Variants in AKAP9 observed in about 807,000 individuals in gnomAD.
AKAP9 encodes A-kinase anchor protein 9.
A neutral mutation model predicts 488.5 loss-of-function variants in AKAP9; 311 were observed. That is an observed-to-expected ratio of 0.64 (90% CI 0.58 to 0.70). AKAP9 has a LOEUF of 0.70. AKAP9 is among the 30% of genes least tolerant of loss of function. The pLI, the probability that AKAP9 is intolerant of heterozygous loss-of-function variation, is 0.00. For missense variants in AKAP9, 4,215 were observed against 4,374.5 expected, an observed-to-expected ratio of 0.96 and a Z score of 1.03; for synonymous variants, 1,462 against 1,483.5, an observed-to-expected ratio of 0.99 and a Z score of 0.33.
chr7:91,993,064 AT>A lies in AKAP9; in HGVS notation c.576+13del, dbSNP rs1396055310. 1 of 1,613,924 alleles carries A rather than the reference AT, an allele frequency of 6.2e-7. No homozygotes were observed. The highest frequency in any genetic ancestry group is 8.5e-7 in the Non-Finnish European group (1 of 1,179,894). ...CTGAAGGACTGCAGCAGGTATGTTT[AT>A]TTTCTGTGGCTTTTGATTTGCTACT... On this transcript the variant is annotated intron_variant, in intron 5 of 49. Transcript: ENST00000356239.
intron 29 of AKAP9, among the ~76,000 whole-genome samples, chr7:92,077,252 C>T (rs1812764541): frequency 6.6e-6 from 1 of 151,872 alleles, no homozygotes; most frequent in African/African-American, 2.4e-5. Context: ...ACCACCACGC[C>T]TGGCTAATTT....
chr7:92,044,684 T>C (rs1178353170), intron 20 of AKAP9, among the ~76,000 whole-genome samples: 1 of 152,188 alleles, frequency 6.6e-6, no homozygotes, highest in Non-Finnish European at 1.5e-5. Flanking sequence ...AAATTTTGTC[T>C]CCCAAGATTT....
At chr7:92,038,823 T>TATCCC in intron 17 of AKAP9, 51 bp downstream of exon 17, 1 of 1,294,932 alleles carries the variant, frequency 7.7e-7, no homozygotes, top group East Asian at 2.3e-5. Context: ...TTGTGAATTC[T>TATCCC]TTCACTTTAA....
chr7:92,077,792 C>T lies in AKAP9; in HGVS notation c.6862C>T (p.Gln2288Ter), dbSNP rs1812851848. The T allele has an allele frequency of 1.2e-6, 2 of 1,613,446 alleles. No homozygotes were observed. Among genetic ancestry groups the T allele is most frequent in the Non-Finnish European group, 8.5e-7 (1 of 1,179,796 alleles). The change falls in exon 30 of 50, where the codon CAG (glutamine) becomes TAG (stop). Residue 2288 changes from glutamine (Q) to a stop codon, truncating the protein, a stop_gained. Transcript: ENST00000356239. LOFTEE classifies it high-confidence loss of function. Reference protein sequence around the residue: ...VLFGKFAQIIQEKEVEIDQLN... With the variant: ...VLFGKFAQII ...ATTTGGGAAATTTGCTCAAATAATA[C>T]AGGAAAAAGAGGTAGAAATTGACCA...
chr7:92,002,414 AAAC>A lies in AKAP9; in HGVS notation c.2503_2505del (p.Gln835del). ...ACTTATAGAGGAAAATGAGGACCTC[AAAC>A]AACAATGTATTCAGCTAAATGAAGA... On this transcript the variant is annotated inframe_deletion, in exon 8 of 50. Transcript: ENST00000356239. 6.2e-7 allele frequency: 1 copy of A among 1,610,124 alleles called. No individual in the cohort carries two copies. The highest frequency in any genetic ancestry group is 2.2e-5 in the East Asian group (1 of 44,768).
chr7:92,055,348 C>G (rs910655291), intron 22 of AKAP9, among the ~76,000 whole-genome samples: 4 of 151,972 alleles, frequency 2.6e-5, no homozygotes, highest in African/African-American at 7.2e-5. Context: ...CAAGTATTGT[C>G]CCCAGTATGC....
chr7:92,085,398 A>G, intron 35 of AKAP9, 97 bp from the exon 36 acceptor site: 8 of 1,219,060 alleles, frequency 6.6e-6, no homozygotes, highest in Non-Finnish European at 9.5e-6. Flanking sequence ...TTCTCTCTGC[A>G]AGCTATCTTG....
intron 17 of AKAP9, among the ~76,000 whole-genome samples, chr7:92,040,387 T>C (rs1805867826): frequency 1.3e-5 from 2 of 152,150 alleles, no homozygotes; most frequent in Admixed American, 6.5e-5. Context: ...ATCTTAAGTA[T>C]CTTAGTTCTT....
Position 92,014,316 on chromosome 7 carries a change from T to G in AKAP9, c.3600T>G (p.Ser1200=). ...KLQKAVSEEC[S]YFLQTLCSVL... ...AAAAGGCAGTGTCTGAAGAATGTTC[T>G]TATTTTTTACAGGTAAAATGTTTAA... The change falls in exon 10 of 50, where the codon TCT becomes TCG. Residue 1200 remains serine (S), a synonymous_variant. Transcript: ENST00000356239. 6.2e-7 allele frequency: 1 copy of G among 1,611,602 alleles called. No individual in the cohort carries two copies. Among genetic ancestry groups the G allele is most frequent in the Non-Finnish European group, 8.5e-7 (1 of 1,178,118 alleles).
intron 11 of AKAP9, 51 bp from the exon 12 acceptor site, chr7:92,016,966 C>A: frequency 7.6e-7 from 1 of 1,319,784 alleles, no homozygotes; most frequent in Non-Finnish European, 1.1e-6. Context: ...TTGAAAGATG[C>A]AGACTTTTAC....
At chr7:92,000,280 T>C (rs1287819015) in intron 7 of AKAP9, among the ~76,000 whole-genome samples, 1 of 152,234 alleles carries the variant, frequency 6.6e-6, no homozygotes, top group African/African-American at 2.4e-5. Context: ...GTTCAGCCTT[T>C]TAAGCATTGC....
At chr7:92,021,465 G>GTCTT (rs1308092088) in intron 12 of AKAP9, among the ~76,000 whole-genome samples, 1 of 152,106 alleles carries the variant, frequency 6.6e-6, no homozygotes, top group East Asian at 1.9e-4. Flanking sequence ...TTGAGGCAGA[G>GTCTT]TCTTGCTCTG....
At chr7:92,081,489 A>AT (rs1371738667) in intron 31 of AKAP9, among the ~76,000 whole-genome samples, 1 of 115,432 alleles carries the variant, frequency 8.7e-6, no homozygotes, top group African/African-American at 3.8e-5. Context: ...ATATATATAT[A>AT]TATATATATT....
In AKAP9 at chr7:92,093,152, G is replaced by A. The variant is rs546804994; in HGVS notation, c.9414G>A (p.Val3138=). ...QKQSQMLEMQ[V]ELSSMKDRAT... is the part of the protein sequence containing the mutation. ...AGTCTCAAATGCTGGAGATGCAAGT[G>A]GAGCTCAGCAGTATGAAAGACAGAG... The change falls in exon 39 of 50, where the codon GTG becomes GTA. Residue 3138 remains valine, a synonymous_variant. Transcript: ENST00000356239. The A allele has an allele frequency of 1.9e-6, 3 of 1,614,158 alleles. No homozygotes were observed. The highest frequency in any genetic ancestry group is 1.3e-5 in the African/African-American group (1 of 75,042).
At chr7:91,995,084 G>C (rs1457059987) in intron 6 of AKAP9, among the ~76,000 whole-genome samples, 1 of 152,056 alleles carries the variant, frequency 6.6e-6, no homozygotes, top group Non-Finnish European at 1.5e-5. Context: ...GCCAATTCTG[G>C]TATGGTTTAT....
chr7:92,041,037 C>G (rs1806022950), intron 18 of AKAP9, 139 bp downstream of exon 18: 2 of 676,414 alleles, frequency 3.0e-6, no homozygotes, highest in South Asian at 3.8e-5. Flanking sequence ...TCTGAATAAA[C>G]TACATATATT....
In AKAP9 at chr7:92,002,979, A is replaced by G. The variant is rs1306705083; in HGVS notation, c.3062A>G (p.Asp1021Gly). ...GATACTCAAGTAAGCTCTTTATTAG[A>G]TGGAGTTGTGACCATGACAAGCAGG... ...SCDTQVSSLL[D>G]GVVTMTSRGA... is the part of the protein sequence containing the mutation. Residue 1021 changes from aspartate to glycine, a missense_variant, in exon 8 of 50, where the codon GAT (aspartate) becomes GGT (glycine). Coordinates refer to ENST00000356239, the MANE Select transcript of AKAP9 (RefSeq NM_005751.5). The G allele has an allele frequency of 1.2e-6, 2 of 1,613,404 alleles. No homozygotes were observed. The highest frequency in any genetic ancestry group is 1.7e-6 in the Non-Finnish European group (2 of 1,179,592).
chr7:92,065,322 G>A lies in AKAP9; in HGVS notation c.6069G>A (p.Val2023=), dbSNP rs1810593673. ...TACGTGATGACCTTCAAAAACAAGT[G>A]AAAGCTCTAGAAATAGATGTGGAAG... ...EKVRDDLQKQ[V]KALEIDVEEQ... The change falls in exon 25 of 50, where the codon GTG becomes GTA. Residue 2023 remains valine, a synonymous_variant. Transcript: ENST00000356239. 3.7e-6 allele frequency: 6 copies of A among 1,613,130 alleles called. No homozygotes were observed. The highest frequency in any genetic ancestry group is 5.1e-6 in the Non-Finnish European group (6 of 1,179,486).
In AKAP9 at chr7:92,038,474, C is replaced by A. The variant is rs779325943; in HGVS notation, c.4394C>A (p.Ser1465Tyr). 8 of 1,613,724 alleles carry A rather than the reference C, an allele frequency of 5.0e-6. No homozygotes were observed. In the Admixed American group the frequency reaches 8.3e-5, roughly 17 times the overall value. Reference protein sequence around the residue: ...FAQQTELSRISGGKENTASSK... With the variant: ...FAQQTELSRIYGGKENTASSK... Reference sequence around the variant, plus strand: ...CAACAAACTGAACTGTCTAGAATATCTGGGGGAAAAGAAAATACTGCATCA... The same window carrying A: ...CAACAAACTGAACTGTCTAGAATATATGGGGGAAAAGAAAATACTGCATCA... Residue 1465 changes from serine (S) to tyrosine (Y), a missense_variant, in exon 17 of 50, where the codon TCT becomes TAT. Coordinates refer to ENST00000356239, the MANE Select transcript of AKAP9 (RefSeq NM_005751.5).
Sources: allele counts gnomAD v4.1 joint callset (sites outside exome capture counted in the v4.1 genomes callset), GRCh38; gene constraint gnomAD v4.1.1; transcripts MANE v1.5; gene names NCBI Gene and HGNC (gene_info 2026-07-23, HGNC 2026-07-21).